The following GLCE variants were observed in gnomAD, a reference collection of about 807,000 sequenced individuals.
GLCE encodes the protein D-glucuronyl C5-epimerase.
A neutral mutation model predicts 47.9 loss-of-function variants in GLCE; 19 were observed. The ratio of observed to expected loss-of-function variants is 0.40; its 90% CI spans 0.28 to 0.58. The LOEUF (loss-of-function observed/expected upper bound fraction) is 0.58, where lower values mean the gene tolerates loss of function less well. Among genes scored for constraint, GLCE ranks in the 20% least tolerant of loss-of-function variants. The pLI is 0.48. For missense variants in GLCE, 556 were observed against 743.3 expected, an observed-to-expected ratio of 0.75 and a Z score of 2.93; for synonymous variants, 245 against 263.4, an observed-to-expected ratio of 0.93 and a Z score of 0.68.
chr15:69,216,638 T>TAACATA (rs1296014023), intron 2 of GLCE, among the ~76,000 whole-genome samples: 7 of 152,096 alleles, frequency 4.6e-5, no homozygotes, highest in Non-Finnish European at 7.4e-5. Context: ...TTCTATTTGT[T>TAACATA]TGCTGTATAA....
chr15:69,236,826 A>T (rs1380902773), intron 2 of GLCE, among the ~76,000 whole-genome samples: 1 of 152,176 alleles, frequency 6.6e-6, no homozygotes, highest in South Asian at 2.1e-4. Context: ...AGTTGACTCT[A>T]TATCAGTTTC....
chr15:69,242,783 G>A (rs2052689371), intron 2 of GLCE, among the ~76,000 whole-genome samples: 1 of 152,038 alleles, frequency 6.6e-6, no homozygotes, highest in Admixed American at 6.6e-5. Flanking sequence ...GGTAGCTCAT[G>A]CCTGTAATCC....
intron 1 of GLCE, among the ~76,000 whole-genome samples, chr15:69,163,793 A>T (rs1241821543): frequency 1.3e-5 from 2 of 152,214 alleles, no homozygotes; most frequent in Non-Finnish European, 2.9e-5. Flanking sequence ...AAATTAAAAC[A>T]TTTCAGTCAC....
chr15:69,179,967 ACAGAGTGAGACTCTGTCT>A (rs975284870), intron 1 of GLCE, among the ~76,000 whole-genome samples: 1 of 152,208 alleles, frequency 6.6e-6, no homozygotes, highest in African/African-American at 2.4e-5. Context: ...AGCCTGGACG[ACAGAGTGAGACTCTGTCT>A]CAAAAACCAA....
chr15:69,222,949 T>G (rs1480849885), intron 2 of GLCE, among the ~76,000 whole-genome samples: 1 of 152,232 alleles, frequency 6.6e-6, no homozygotes, highest in African/African-American at 2.4e-5. Flanking sequence ...CTTATAAAAG[T>G]TTAACTTCAA....
Position 69,261,276 on chromosome 15 carries a change from C to T in GLCE, c.776C>T (p.Ala259Val), listed in dbSNP as rs202049062. 1.1e-5 allele frequency: 18 copies of T among 1,613,826 alleles called. No individual in the cohort carries two copies. Among genetic ancestry groups the T allele is most frequent in the African/African-American group, 8.0e-5 (6 of 74,950 alleles). Residue 259 changes from alanine to valine, a missense_variant, in exon 4 of 5, where the codon GCG (alanine) becomes GTG (valine). By Grantham distance (64) the Ala-to-Val change is moderately conservative. Coordinates refer to ENST00000261858, the MANE Select transcript of GLCE (RefSeq NM_015554.3). ...DWTVPKGCFM[A>V]NVADKSRFTN... ...ACTGTGCCAAAGGGCTGCTTTATGG[C>T]GAATGTGGCTGATAAGTCTAGATTC...
chr15:69,226,142 C>T (rs372032874), intron 2 of GLCE, among the ~76,000 whole-genome samples: 9 of 152,070 alleles, frequency 5.9e-5, no homozygotes, highest in East Asian at 1.9e-4. Flanking sequence ...GGGATCATGG[C>T]GTTTTCTGTA....
chr15:69,192,425 CCT>C (rs1469982994), intron 1 of GLCE, among the ~76,000 whole-genome samples: 1 of 151,732 alleles, frequency 6.6e-6, no homozygotes, highest in Non-Finnish European at 1.5e-5. Context: ...TTCTTTGTCT[CCT>C]CATTGTGTTT....
intron 2 of GLCE, among the ~76,000 whole-genome samples, chr15:69,215,242 C>T (rs774478643): frequency 6.6e-6 from 1 of 152,142 alleles, no homozygotes. Flanking sequence ...CTTCCAAGCC[C>T]CAAATCCTGG....
chr15:69,225,706 C>G (rs1429978444), intron 2 of GLCE, among the ~76,000 whole-genome samples: 1 of 152,170 alleles, frequency 6.6e-6, no homozygotes, highest in Non-Finnish European at 1.5e-5. Context: ...TATTTCCTAA[C>G]ATTTACTGAG....
In GLCE at chr15:69,162,538, GTT is replaced by G. The variant is rs111688440; in HGVS notation, c.-105+1792_-105+1793del. 2.5e-3 allele frequency among the ~76,000 whole-genome samples: 363 copies of G among 146,566 alleles called. 1 individual carries two copies. The highest frequency in any genetic ancestry group is 6.7e-3 in the African/African-American group (268 of 40,288). ...TGCCTTAGTCTTTTTCTTCGTGTCA[GTT>G]TTTTTTTTTTCTTGTTTTTTGGTTT... On this transcript the variant is annotated intron_variant, in intron 1 of 4. Coordinates refer to ENST00000261858, the MANE Select transcript of GLCE (RefSeq NM_015554.3).
intron 2 of GLCE, among the ~76,000 whole-genome samples, chr15:69,226,902 A>C: frequency 6.7e-6 from 1 of 149,850 alleles, no homozygotes; most frequent in African/African-American, 2.5e-5. Context: ...CCACCACCAC[A>C]CTCAGCTAAT....
chr15:69,264,805 G>A (rs1408756050), intron 4 of GLCE, among the ~76,000 whole-genome samples: 1 of 152,138 alleles, frequency 6.6e-6, no homozygotes, highest in East Asian at 1.9e-4. Context: ...ATGATGTTGA[G>A]CACCTTTTTA....
At chr15:69,169,942 A>T (rs2051564918) in intron 1 of GLCE, among the ~76,000 whole-genome samples, 1 of 152,186 alleles carries the variant, frequency 6.6e-6, no homozygotes, top group African/African-American at 2.4e-5. Context: ...CTAATCTCTT[A>T]TTATAAGATT....
At chr15:69,227,835 C>T (rs16952970) in intron 2 of GLCE, among the ~76,000 whole-genome samples, 22,979 of 151,960 alleles carry the variant, frequency 0.15, 1,986 homozygotes, top group African/African-American at 0.23. Flanking sequence ...GAGAAAATTC[C>T]GCTTTTATTT....
intron 1 of GLCE, among the ~76,000 whole-genome samples, chr15:69,192,988 A>G (rs950665564): frequency 1.8e-4 from 28 of 152,040 alleles, no homozygotes; most frequent in African/African-American, 6.3e-4. Flanking sequence ...CTCCACATGT[A>G]TAACTTGTAT....
intron 2 of GLCE, among the ~76,000 whole-genome samples, chr15:69,238,217 G>T (rs2052618222): frequency 6.6e-6 from 1 of 152,142 alleles, no homozygotes; most frequent in African/African-American, 2.4e-5. Flanking sequence ...TTAAGATTGT[G>T]TCTGCACAAC....
intron 2 of GLCE, among the ~76,000 whole-genome samples, chr15:69,228,762 C>T (rs985360460): frequency 6.6e-6 from 1 of 152,142 alleles, no homozygotes; most frequent in Middle Eastern, 3.2e-3. Context: ...TCTCGGCTCC[C>T]TGCAACCTCT....
Position 69,268,753 on chromosome 15 carries a change from G to A in GLCE, c.1363G>A (p.Val455Ile), listed in dbSNP as rs376334435. 9.9e-5 allele frequency: 160 copies of A among 1,614,092 alleles called. 1 individual carries two copies. Among genetic ancestry groups the A allele is most frequent in the Non-Finnish European group, 1.2e-4 (140 of 1,180,032 alleles). The change falls in exon 5 of 5, where the codon GTC (valine) becomes ATC (isoleucine). Residue 455 changes from valine to isoleucine, a missense_variant. Physicochemically the swap from Val to Ile is conservative, Grantham distance 29. This residue lies in a region of GLCE where 245 missense variants were observed against 368.1 expected (regional missense o/e 0.67). Coordinates refer to ENST00000261858, the MANE Select transcript of GLCE (RefSeq NM_015554.3). ...MAQGQAISTL[V>I]RAYLLTKDHI... ...CCAAGGGCAAGCCATTTCTACATTA[G>A]TCAGGGCCTATCTGTTAACAAAAGA...
Sources: gnomAD v4.1 joint callset for allele counts (sites outside exome capture counted in the v4.1 genomes callset) on GRCh38, gnomAD v4.1.1 for gene constraint, gnomAD v4.1.1 regional missense constraint, MANE v1.5 for transcripts, NCBI Gene and HGNC (gene_info 2026-07-23, HGNC 2026-07-21) for gene names.